Variants in TBCEL observed in about 807,000 individuals in gnomAD.
TBCEL encodes the protein tubulin folding cofactor E like.
Under a neutral mutation model 44.2 loss-of-function variants are expected in TBCEL, and 15 were observed. That is an observed-to-expected ratio of 0.34 (90% CI 0.23 to 0.52). The LOEUF (loss-of-function observed/expected upper bound fraction) is 0.52. Ranked by LOEUF, TBCEL falls within the 20% of genes least tolerant of loss-of-function variation. TBCEL has a pLI of 0.95. For missense variants in TBCEL, 319 were observed against 506.3 expected (o/e 0.63, Z 3.55); for synonymous variants, 171 against 185.4 (o/e 0.92, Z 0.63).
At chr11:121,053,839 T>A in intron 5 of TBCEL, 107 bp downstream of exon 5, 1 of 1,264,308 alleles carries the variant, frequency 7.9e-7, no homozygotes, top group Non-Finnish European at 1.1e-6. Flanking sequence ...GCAGATTGAG[T>A]GGAGAAAGAG....
chr11:121,059,768 T>G (rs1945685586), intron 7 of TBCEL, among the ~76,000 whole-genome samples: 1 of 151,978 alleles, frequency 6.6e-6, no homozygotes, highest in Admixed American at 6.6e-5. Flanking sequence ...AAGTTCAGTG[T>G]CACATGAAAG....
intron 1 of TBCEL, chr11:121,035,633 C>G (rs1425117323): frequency 6.6e-6 from 1 of 152,072 alleles, no homozygotes; most frequent in Non-Finnish European, 1.5e-5. Flanking sequence ...GAGGCTTTTC[C>G]TTAACATGAT....
At chr11:121,074,352 C>T (rs1290806130) in intron 8 of TBCEL, among the ~76,000 whole-genome samples, 2 of 152,012 alleles carry the variant, frequency 1.3e-5, no homozygotes, top group Non-Finnish European at 2.9e-5. Context: ...CTATTTTGTG[C>T]GTAATTTTTG....
At chr11:121,075,770 A>G (rs1458240114) in intron 8 of TBCEL, among the ~76,000 whole-genome samples, 1 of 151,950 alleles carries the variant, frequency 6.6e-6, no homozygotes, top group Admixed American at 6.6e-5. Flanking sequence ...ATGCATCATT[A>G]GGCGATTTTG....
intron 1 of TBCEL, among the ~76,000 whole-genome samples, chr11:121,028,218 TAAATA>T (rs551230039): frequency 0.01 from 1,576 of 151,302 alleles, 9 homozygotes; most frequent in African/African-American, 0.019. Flanking sequence ...AATAAATAAA[TAAATA>T]AAATAAAATA....
intron 8 of TBCEL, among the ~76,000 whole-genome samples, chr11:121,081,069 A>G (rs919064438): frequency 1.3e-5 from 2 of 151,680 alleles, no homozygotes; most frequent in African/African-American, 4.8e-5. Flanking sequence ...TGATTCAAAG[A>G]CCCCTAAGGT....
chr11:121,031,706 C>T (rs1164643960), intron 1 of TBCEL, among the ~76,000 whole-genome samples: 5 of 132,704 alleles, frequency 3.8e-5, no homozygotes, highest in Non-Finnish European at 7.7e-5. Flanking sequence ...TGCTCTGTTG[C>T]CAGGCTCGAG....
At chr11:121,027,529 C>T (rs574242123) in intron 1 of TBCEL, among the ~76,000 whole-genome samples, 1 of 152,282 alleles carries the variant, frequency 6.6e-6, no homozygotes, top group East Asian at 1.9e-4. Flanking sequence ...ACTTCCTCTA[C>T]TTTTTTTCTG....
chr11:121,053,300 C>G (rs148042206), intron 4 of TBCEL, among the ~76,000 whole-genome samples: 1 of 151,898 alleles, frequency 6.6e-6, no homozygotes, highest in Non-Finnish European at 1.5e-5. Flanking sequence ...CATAGGAAAT[C>G]TTCCTTTTTA....
At chr11:121,060,815 A>G (rs1294524202) in intron 8 of TBCEL, among the ~76,000 whole-genome samples, 1 of 152,022 alleles carries the variant, frequency 6.6e-6, no homozygotes, top group Admixed American at 6.6e-5. Context: ...TTTAAGGATA[A>G]TATGAATACC....
intron 2 of TBCEL, among the ~76,000 whole-genome samples, chr11:121,039,284 T>C (rs1945289306): frequency 6.6e-6 from 1 of 152,244 alleles, no homozygotes; most frequent in South Asian, 2.1e-4. Context: ...TCAGCTAATC[T>C]TTATCTTTCA....
In TBCEL at chr11:121,085,270, C is replaced by T. The variant is rs576873391; in HGVS notation, c.957-1508C>T. 5.9e-5 allele frequency among the ~76,000 whole-genome samples: 9 copies of T among 152,212 alleles called. No individual in the cohort carries two copies. In the South Asian group the frequency reaches 1.9e-3, roughly 32 times the overall value. The stretch of plus-strand genomic sequence containing the variant: ...GACCAGGCTGGTCTCGAACTCCTGA[C>T]CTCGTGATCTGCCCACCATGGCCTC... On this transcript the variant is annotated intron_variant, in intron 8 of 8. Transcript: ENST00000683345.
intron 8 of TBCEL, among the ~76,000 whole-genome samples, chr11:121,068,595 C>A (rs543912988): frequency 4.6e-5 from 7 of 152,084 alleles, no homozygotes; most frequent in African/African-American, 1.7e-4. Flanking sequence ...TTTAAAAAAA[C>A]AACAGAGGCT....
intron 8 of TBCEL, among the ~76,000 whole-genome samples, chr11:121,076,910 G>C (rs1946043511): frequency 6.6e-6 from 1 of 151,952 alleles, no homozygotes; most frequent in Admixed American, 6.6e-5. Context: ...CTATTGAAAA[G>C]TCTATACCAT....
At chr11:121,083,008 G>T (rs969278091) in intron 8 of TBCEL, among the ~76,000 whole-genome samples, 30 of 152,148 alleles carry the variant, frequency 2.0e-4, no homozygotes, top group Admixed American at 1.3e-4. Context: ...CTATCTACTA[G>T]ATCTACTGCC....
At chr11:121,040,418 C>T (rs765286775) in intron 2 of TBCEL, among the ~76,000 whole-genome samples, 46 of 152,118 alleles carry the variant, frequency 3.0e-4, no homozygotes, top group Non-Finnish European at 5.7e-4. Flanking sequence ...AGCTTTGCCC[C>T]TGTGAAAGCC....
intron 8 of TBCEL, among the ~76,000 whole-genome samples, chr11:121,085,628 C>G (rs1946202602): frequency 6.6e-6 from 1 of 152,168 alleles, no homozygotes; most frequent in African/African-American, 2.4e-5. Context: ...TGTTACTCCA[C>G]TTATTGGAAA....
At chr11:121,081,848 A>G (rs567814578) in intron 8 of TBCEL, among the ~76,000 whole-genome samples, 21 of 152,336 alleles carry the variant, frequency 1.4e-4, no homozygotes, top group Non-Finnish European at 2.8e-4. Context: ...ATATGTATGT[A>G]TAGTAAATCA....
At chr11:121,059,788 AT>A (rs1404097704) in intron 7 of TBCEL, among the ~76,000 whole-genome samples, 180 bp from the exon 8 acceptor site, 1 of 151,662 alleles carries the variant, frequency 6.6e-6, no homozygotes, top group Non-Finnish European at 1.5e-5. Flanking sequence ...GTGAAACTCA[AT>A]TTTTTTTGTC....
Sources: gnomAD v4.1 joint callset for allele counts (sites outside exome capture counted in the v4.1 genomes callset) on GRCh38, gnomAD v4.1.1 for gene constraint, MANE v1.5 for transcripts, NCBI Gene and HGNC (gene_info 2026-07-23, HGNC 2026-07-21) for gene names.